Variants in CERKL observed in about 807,000 individuals in gnomAD.
CERKL encodes ceramide kinase-like protein.
CERKL carries 61 observed loss-of-function variants against 63.4 expected under a neutral mutation model. The observed-to-expected ratio is 0.96, with a 90% CI of 0.78 to 1.19. CERKL has a LOEUF of 1.19. Among genes scored for constraint, CERKL ranks in the 50% most tolerant of loss-of-function variants. The pLI is 0.00. For synonymous variants in CERKL, 250 were observed against 230.5 expected (o/e 1.08, Z -0.77); for missense variants, 675 against 655.5 (o/e 1.03, Z -0.33).
In CERKL at chr2:181,558,533, G is replaced by A. The variant is rs1472388859; in HGVS notation, c.820+33C>T. On this transcript the variant is annotated intron_variant, in intron 5 of 12. Transcript: ENST00000410087. The surrounding 1 kb of genome is among the most constrained non-coding windows in gnomAD (Gnocchi z 4.2). ...GTAAGAAAGGAAAAGAGGGAGAAGGGTCAGTTTAATGAATCTGTAGCCACT... is the reference window on the plus strand; with the variant it reads ...GTAAGAAAGGAAAAGAGGGAGAAGGATCAGTTTAATGAATCTGTAGCCACT... 2 of 1,607,974 alleles carry A rather than the reference G, an allele frequency of 1.2e-6. No homozygotes were observed. Among genetic ancestry groups the A allele is most frequent in the East Asian group, 2.2e-5 (1 of 44,818 alleles).
intron 11 of CERKL, 131 bp from the exon 12 acceptor site, chr2:181,539,395 T>C (rs185862628): frequency 5.2e-5 from 33 of 636,118 alleles, no homozygotes; most frequent in African/African-American, 5.0e-4. Context: ...TTTGAGACTA[T>C]GAACAGGGAT....
At chr2:181,548,046 A>G (rs566138896) in intron 8 of CERKL, 199 bp from the exon 9 acceptor site, 1 of 618,270 alleles carries the variant, frequency 1.6e-6, no homozygotes, top group Admixed American at 2.9e-5. Flanking sequence ...TTAAAGGTAA[A>G]CTAGTATTAT....
intron 1 of CERKL, among the ~76,000 whole-genome samples, chr2:181,611,474 C>G (rs1685967102): frequency 6.6e-6 from 1 of 151,992 alleles, no homozygotes; most frequent in South Asian, 2.1e-4. Flanking sequence ...GCCTGGGCAA[C>G]ATAGTGAGAC....
intron 1 of CERKL, among the ~76,000 whole-genome samples, chr2:181,642,747 A>AAG (rs1290511728): frequency 1.4e-4 from 22 of 152,248 alleles, no homozygotes; most frequent in African/African-American, 5.3e-4. Flanking sequence ...TTTTTTTAAA[A>AAG]TCTTTGAAAC....
intron 2 of CERKL, among the ~76,000 whole-genome samples, chr2:181,589,097 GTACCTATTTTT>G (rs1392427876): frequency 3.9e-5 from 6 of 151,992 alleles, no homozygotes; most frequent in South Asian, 2.1e-4. Context: ...GTAATCCAAC[GTACCTATTTTT>G]GCTTTTGTTG....
chr2:181,560,970 G>T (rs748186532), intron 4 of CERKL, among the ~76,000 whole-genome samples: 1 of 152,072 alleles, frequency 6.6e-6, no homozygotes, highest in Non-Finnish European at 1.5e-5. Context: ...ATTCTAAGTC[G>T]CCAACTAACT....
rs899443650 is a variant in CERKL at position 181,593,020 on chromosome 2, A to G, written c.481+10817T>C. 2.0e-5 allele frequency among the ~76,000 whole-genome samples: 3 copies of G among 152,164 alleles called. No individual in the cohort carries two copies. The South Asian group carries it at 6.2e-4, about 32-fold the overall frequency. On this transcript the variant is annotated intron_variant, in intron 2 of 12. Transcript: ENST00000410087. ...GCTCAATACATACCTGGAGAGCTATACAATAATAGTAAGAGTTACCCTTTA... is the reference window on the plus strand; with the variant it reads ...GCTCAATACATACCTGGAGAGCTATGCAATAATAGTAAGAGTTACCCTTTA...
At chr2:181,619,981 C>T (rs1349348115) in intron 1 of CERKL, among the ~76,000 whole-genome samples, 1 of 152,178 alleles carries the variant, frequency 6.6e-6, no homozygotes, top group African/African-American at 2.4e-5. Flanking sequence ...TTACTTCTTT[C>T]ATTTAACAAG....
In CERKL at chr2:181,639,556, C is replaced by G. The variant is rs13398869; in HGVS notation, c.238+17213G>C. ...GTTGATGATGGAACTGTCTTAAAAG[C>G]CTGAAAGAAGTCAGATAATGTTGTT... On this transcript the variant is annotated intron_variant, in intron 1 of 12. Coordinates refer to ENST00000410087, the MANE Select transcript of CERKL (RefSeq NM_201548.5). Among the ~76,000 whole-genome samples, 253 of 152,120 alleles carry G rather than the reference C, an allele frequency of 1.7e-3. 2 individuals carry two copies. The highest frequency in any genetic ancestry group is 6.1e-3 in the African/African-American group (252 of 41,464).
intron 11 of CERKL, 81 bp downstream of exon 11, chr2:181,544,619 G>T: frequency 1.3e-6 from 1 of 777,306 alleles, no homozygotes; most frequent in South Asian, 1.6e-5. Flanking sequence ...TATGAGGCAG[G>T]ATTCGATGTC....
chr2:181,580,422 G>T (rs1048437988), intron 2 of CERKL, among the ~76,000 whole-genome samples: 3 of 151,962 alleles, frequency 2.0e-5, no homozygotes, highest in African/African-American at 7.2e-5. Flanking sequence ...TATTCACTTG[G>T]ATTTTCCAGC....
intron 2 of CERKL, among the ~76,000 whole-genome samples, chr2:181,589,741 T>A (rs1684911320): frequency 6.6e-6 from 1 of 152,192 alleles, no homozygotes; most frequent in South Asian, 2.1e-4. Flanking sequence ...ATCTATAAGT[T>A]GAGTGTAAAG....
rs1160680480 is a variant in CERKL at position 181,537,755 on chromosome 2, A to T, written c.*429T>A. On this transcript the variant is annotated 3_prime_UTR_variant, in exon 13 of 13. Coordinates refer to ENST00000410087, the MANE Select transcript of CERKL (RefSeq NM_201548.5). ...AACACATTGTAAAAAAAAGAATTTGAATTGATATCTAAAAACAGAATTTGA... is the reference window on the plus strand; with the variant it reads ...AACACATTGTAAAAAAAAGAATTTGTATTGATATCTAAAAACAGAATTTGA... The T allele has an allele frequency of 1.1e-5, 5 of 446,670 alleles. No individual in the cohort carries two copies. Among genetic ancestry groups the T allele is most frequent in the African/African-American group, 1.0e-4 (5 of 49,548 alleles). The allele number at this position is 446,670 out of a possible 1,614,324, so 27.7% of individuals were successfully genotyped here.
rs1029609033 is a variant in CERKL at position 181,548,620 on chromosome 2, A to C, written c.1074-16T>G. 2 of 1,612,960 alleles carry C rather than the reference A, an allele frequency of 1.2e-6. No individual in the cohort carries two copies. Among genetic ancestry groups the C allele is most frequent in the Admixed American group, 3.3e-5 (2 of 59,930 alleles). Reference sequence around the variant, plus strand: ...GTCTTCTGCCCTAAAATGTAATGAAATTTGTTATTAACAGTCATTGAACCT... The same window carrying C: ...GTCTTCTGCCCTAAAATGTAATGAACTTTGTTATTAACAGTCATTGAACCT... On this transcript the variant is annotated splice_polypyrimidine_tract_variant and intron_variant, in intron 7 of 12. Coordinates refer to ENST00000410087, the MANE Select transcript of CERKL (RefSeq NM_201548.5).
At chr2:181,587,612 T>G (rs145971061) in intron 2 of CERKL, among the ~76,000 whole-genome samples, 12 of 152,308 alleles carry the variant, frequency 7.9e-5, no homozygotes, top group African/African-American at 2.9e-4. Flanking sequence ...TCTTTTTCCC[T>G]ACTCTACATA....
chr2:181,589,539 T>A (rs771301327), intron 2 of CERKL, among the ~76,000 whole-genome samples: 1 of 152,228 alleles, frequency 6.6e-6, no homozygotes, highest in African/African-American at 2.4e-5. Context: ...TATTTAAGTC[T>A]TTAATTCATT....
intron 2 of CERKL, among the ~76,000 whole-genome samples, chr2:181,586,735 G>C (rs954971834): frequency 1.3e-5 from 2 of 152,180 alleles, no homozygotes; most frequent in Non-Finnish European, 2.9e-5. Context: ...TGATCTATCA[G>C]TGAGTCAATG....
intron 1 of CERKL, among the ~76,000 whole-genome samples, chr2:181,620,554 C>CA (rs1686403589): frequency 6.6e-6 from 1 of 152,162 alleles, no homozygotes; most frequent in Non-Finnish European, 1.5e-5. Context: ...TTGAACTCGG[C>CA]ACAGGCAGAT....
At position 181,548,538 on chromosome 2, in the gene CERKL, T is replaced by C. The variant is rs1451178883; in HGVS notation, c.1133+7A>G. On this transcript the variant is annotated splice_region_variant and intron_variant, in intron 8 of 12. Transcript: ENST00000410087. ...GGTTATCTGTATTACATTGAGTTTT[T>C]ACCTACCTTTCTTGCACATCATCAG... 1 of 1,599,994 alleles carries C rather than the reference T, an allele frequency of 6.3e-7. No homozygotes were observed.
Sources: gnomAD v4.1 joint callset for allele counts (sites outside exome capture counted in the v4.1 genomes callset) on GRCh38, gnomAD v4.1.1 for gene constraint, Gnocchi (gnomAD v3.1) non-coding constraint, MANE v1.5 for transcripts, NCBI Gene and HGNC (gene_info 2026-07-23, HGNC 2026-07-21) for gene names.